Variants in LKAAEAR1 observed in about 807,000 individuals in gnomAD.
LKAAEAR1 encodes LKAAEAR motif containing 1.
In LKAAEAR1, 19 loss-of-function variants were observed where a neutral mutation model predicts 16.5. The observed-to-expected ratio is 1.15, with a 90% CI of 0.80 to 1.69. LKAAEAR1 has a LOEUF of 1.69. LKAAEAR1 is among the 40% of genes most tolerant of loss of function. The pLI, the probability that LKAAEAR1 is intolerant of heterozygous loss-of-function variation, is 0.00. For synonymous variants in LKAAEAR1, 124 were observed against 152.7 expected (o/e 0.81, Z 1.39); for missense variants, 304 against 315.8 (o/e 0.96, Z 0.28).
chr20:64,084,287 C>T lies in LKAAEAR1; in HGVS notation c.-68G>A, dbSNP rs1051228267. The T allele has an allele frequency of 4.6e-6, 6 of 1,307,618 alleles. No homozygotes were observed. Among genetic ancestry groups the T allele is most frequent in the Non-Finnish European group, 5.8e-6 (6 of 1,031,352 alleles). 81.0% of individuals were successfully genotyped at this position (1,307,618 alleles called of 1,614,324 possible). ...GGGCTGGCACCGGGCCCTGCCCGCC[C>T]CTCGGCAGGGCCCCAACGTGCGCCC... On this transcript the variant is annotated 5_prime_UTR_variant, in exon 1 of 3. Coordinates refer to ENST00000302096, the MANE Select transcript of LKAAEAR1 (RefSeq NM_001353425.2).
chr20:64,084,065 G>T lies in LKAAEAR1; in HGVS notation c.155C>A (p.Ala52Glu), dbSNP rs555074600. ...PGWALTPQGL[A>E]AMLPAQRHRH... The stretch of plus-strand genomic sequence containing the variant: ...GTGGCGCTGCGCAGGGAGCATGGCC[G>T]CCAGTCCCTGCGGCGTCAGGGCCCA... Residue 52 changes from alanine (A) to glutamate (E), a missense_variant, in exon 1 of 3, where the codon GCG becomes GAG. Coordinates refer to ENST00000302096, the MANE Select transcript of LKAAEAR1 (RefSeq NM_001353425.2). 38 of 1,497,172 alleles carry T rather than the reference G, an allele frequency of 2.5e-5. No homozygotes were observed. Among genetic ancestry groups the T allele is most frequent in the Non-Finnish European group, 2.8e-5 (32 of 1,133,326 alleles). The allele number at this position is 1,497,172 out of a possible 1,614,324, so 92.7% of individuals were successfully genotyped here.
Position 64,083,998 on chromosome 20 carries a change from C to T in LKAAEAR1, c.222G>A (p.Ala74=), listed in dbSNP as rs1225829426. The change falls in exon 1 of 3, where the codon GCG becomes GCA. Residue 74 remains alanine, a synonymous_variant. Coordinates refer to ENST00000302096, the MANE Select transcript of LKAAEAR1 (RefSeq NM_001353425.2). The surrounding 1 kb of genome is among the most constrained non-coding windows in gnomAD (Gnocchi z 4.9). ...LFGDLLEDVG[A]AASTFPCGSV... Reference sequence around the variant, plus strand: ...ACCCGCACGGGAAGGTGGAGGCCGCCGCGCCCACGTCCTCCAGCAGGTCGC... The same window carrying T: ...ACCCGCACGGGAAGGTGGAGGCCGCTGCGCCCACGTCCTCCAGCAGGTCGC... 2 of 1,490,316 alleles carry T rather than the reference C, an allele frequency of 1.3e-6. No homozygotes were observed. Among genetic ancestry groups the T allele is most frequent in the Admixed American group, 2.2e-5 (1 of 45,636 alleles). 92.3% of individuals were successfully genotyped at this position (1,490,316 alleles called of 1,614,324 possible).
Position 64,083,709 on chromosome 20 carries a change from CG to C in LKAAEAR1, c.403-5del. 1 of 1,378,212 alleles carries C rather than the reference CG, an allele frequency of 7.3e-7. No homozygotes were observed. Among genetic ancestry groups the C allele is most frequent in the Non-Finnish European group, 9.3e-7 (1 of 1,074,994 alleles). 85.4% of individuals were successfully genotyped at this position (1,378,212 alleles called of 1,614,324 possible). A position where few individuals can be genotyped will look rare whatever the true frequency, so the allele number is the denominator to read the frequency against. On this transcript the variant is annotated splice_polypyrimidine_tract_variant and splice_region_variant and intron_variant, in intron 1 of 2. Transcript: ENST00000302096. This position sits in a 1 kb window ranked among gnomAD's most constrained non-coding sequence, Gnocchi z 4.9. The stretch of plus-strand genomic sequence containing the variant: ...TGAGCAGCGCGATCTCCTCGGCCTG[CG>C]GGGCCCGGGTAGCTGAGCGCGCGCC...
chr20:64,083,534 C>T lies in LKAAEAR1; in HGVS notation c.526-40G>A, dbSNP rs756392930. ...GGCTGGGGTCCGGCGTGTGCGGAGG[C>T]GGGCAGGGCCCCTCCCCTTTCCCCG... On this transcript the variant is annotated intron_variant, in intron 2 of 2. Coordinates refer to ENST00000302096, the MANE Select transcript of LKAAEAR1 (RefSeq NM_001353425.2). This position sits in a 1 kb window ranked among gnomAD's most constrained non-coding sequence, Gnocchi z 4.9. 1 of 1,549,174 alleles carries T rather than the reference C, an allele frequency of 6.5e-7. No individual in the cohort carries two copies.
rs750220173 is a variant in LKAAEAR1 at position 64,083,399 on chromosome 20, G to T, written c.*36C>A. The T allele has an allele frequency of 1.9e-6, 3 of 1,611,574 alleles. No individual in the cohort carries two copies. In the South Asian group the frequency reaches 3.3e-5, roughly 18 times the overall value. The stretch of plus-strand genomic sequence containing the variant: ...CCTTCGGAGAATTATAACTTTATGT[G>T]GGAGGCTGGGGCGCGTCGCACACTC... On this transcript the variant is annotated 3_prime_UTR_variant, in exon 3 of 3. Coordinates refer to ENST00000302096, the MANE Select transcript of LKAAEAR1 (RefSeq NM_001353425.2). This position sits in a 1 kb window ranked among gnomAD's most constrained non-coding sequence, Gnocchi z 4.9.
At position 64,083,595 on chromosome 20, in the gene LKAAEAR1, CA is replaced by C; in HGVS notation, c.512del (p.Leu171ArgfsTer28). ...QLKPARIPDP[L>X]DRQERRRVET... ...GGCTTGTCTGCACCTCTTGGCGGTC[CA>C]GGGGGTCCGGGATCCGCGCGGGCTT... is the stretch of plus-strand genomic sequence containing the variant. On this transcript the variant is annotated frameshift_variant, in exon 2 of 3. Coordinates refer to ENST00000302096, the MANE Select transcript of LKAAEAR1 (RefSeq NM_001353425.2). LOFTEE classifies it high-confidence loss of function. This position sits in a 1 kb window ranked among gnomAD's most constrained non-coding sequence, Gnocchi z 4.9. 6.7e-7 allele frequency: 1 copy of C among 1,493,256 alleles called. No homozygotes were observed. Among genetic ancestry groups the C allele is most frequent in the African/African-American group, 1.4e-5 (1 of 70,034 alleles). The allele number at this position is 1,493,256 out of a possible 1,614,324, so 92.5% of individuals were successfully genotyped here. A position where few individuals can be genotyped will look rare whatever the true frequency, so the allele number is the denominator to read the frequency against.
Position 64,084,384 on chromosome 20 carries a change from G to T in LKAAEAR1, c.-165C>A. On this transcript the variant is annotated 5_prime_UTR_variant, in exon 1 of 3. Coordinates refer to ENST00000302096, the MANE Select transcript of LKAAEAR1 (RefSeq NM_001353425.2). ...CCCCCAGCCTCTGAGCTTTGCCCAG[G>T]CGCTCTCCCTCTCCCAAGCGCACGT... 7.8e-7 allele frequency: 1 copy of T among 1,276,410 alleles called. No individual in the cohort carries two copies. Among genetic ancestry groups the T allele is most frequent in the Non-Finnish European group, 9.9e-7 (1 of 1,014,058 alleles). The allele number at this position is 1,276,410 out of a possible 1,614,324, so 79.1% of individuals were successfully genotyped here. A position where few individuals can be genotyped will look rare whatever the true frequency, so the allele number is the denominator to read the frequency against.
chr20:64,083,835 G>A lies in LKAAEAR1; in HGVS notation c.385C>T (p.Arg129Cys). The change falls in exon 1 of 3, where the codon CGC (arginine) becomes TGC (cysteine). Residue 129 changes from arginine to cysteine, a missense_variant. Transcript: ENST00000302096. This position sits in a 1 kb window ranked among gnomAD's most constrained non-coding sequence, Gnocchi z 4.9. Reference sequence around the variant, plus strand: ...CGCCTCACCCGCATGCGGGTGTAGCGCAGCCGCAGGGCGCGGACTCGCCCG... The same window carrying A: ...CGCCTCACCCGCATGCGGGTGTAGCACAGCCGCAGGGCGCGGACTCGCCCG... ...ARGRVRALRL[R>C]YTRMRAEEIA... 5 of 1,389,650 alleles carry A rather than the reference G, an allele frequency of 3.6e-6. No individual in the cohort carries two copies. The highest frequency in any genetic ancestry group is 1.6e-5 in the South Asian group (1 of 63,464). The allele number at this position is 1,389,650 out of a possible 1,614,324, so 86.1% of individuals were successfully genotyped here.
chr20:64,084,148 C>G lies in LKAAEAR1; in HGVS notation c.72G>C (p.Thr24=), dbSNP rs1157900781. ...CCTTGGCACGCTCCTCACCCTGCGC[C>G]GTGCCTGGCGCGCTCTTCCCGCTTC... ...RERSGKSAPG[T]AQGEERAKGA... Residue 24 remains threonine, a synonymous_variant, in exon 1 of 3, where the codon ACG becomes ACC. Coordinates refer to ENST00000302096, the MANE Select transcript of LKAAEAR1 (RefSeq NM_001353425.2). The G allele has an allele frequency of 6.9e-7, 1 of 1,456,424 alleles. No homozygotes were observed. The highest frequency in any genetic ancestry group is 9.0e-7 in the Non-Finnish European group (1 of 1,112,316). The allele number at this position is 1,456,424 out of a possible 1,614,324, so 90.2% of individuals were successfully genotyped here. A position where few individuals can be genotyped will look rare whatever the true frequency, so the allele number is the denominator to read the frequency against.
rs1027618895 is a variant in LKAAEAR1, at chr20:64,084,064, C to T, written c.156G>A (p.Ala52=). 13 of 1,498,680 alleles carry T rather than the reference C, an allele frequency of 8.7e-6. No individual in the cohort carries two copies. In the South Asian group the frequency reaches 1.5e-4, roughly 17 times the overall value. The allele number at this position is 1,498,680 out of a possible 1,614,324, so 92.8% of individuals were successfully genotyped here. ...GGTGGCGCTGCGCAGGGAGCATGGC[C>T]GCCAGTCCCTGCGGCGTCAGGGCCC... is the stretch of plus-strand genomic sequence containing the variant. ...PGWALTPQGL[A]AMLPAQRHRH... is the part of the protein sequence containing the mutation. Residue 52 remains alanine, a synonymous_variant, in exon 1 of 3, where the codon GCG becomes GCA. Transcript: ENST00000302096.
upstream of LKAAEAR1, among the ~76,000 whole-genome samples, chr20:64,084,863 C>T (rs2060025639): frequency 6.6e-6 from 1 of 152,210 alleles, no homozygotes. Flanking sequence ...CCCCGCCCCT[C>T]CTTAGCTCCT....
In LKAAEAR1 at chr20:64,084,233, G is replaced by A; in HGVS notation, c.-14C>T. 2 of 1,369,328 alleles carry A rather than the reference G, an allele frequency of 1.5e-6. No homozygotes were observed. The highest frequency in any genetic ancestry group is 1.9e-6 in the Non-Finnish European group (2 of 1,068,406). The allele number at this position is 1,369,328 out of a possible 1,614,324, so 84.8% of individuals were successfully genotyped here. ...TGGCGGCGGCATCCTCCCGCCCTGC[G>A]GAGGGAGGAGGGCGTCCCGTCGGTG... On this transcript the variant is annotated 5_prime_UTR_variant, in exon 1 of 3. Transcript: ENST00000302096.
In LKAAEAR1 at chr20:64,083,548, C is replaced by T. The variant is rs865965277; in HGVS notation, c.525+35G>A. On this transcript the variant is annotated intron_variant, in intron 2 of 2. Transcript: ENST00000302096. The surrounding 1 kb of genome is among the most constrained non-coding windows in gnomAD (Gnocchi z 4.9). ...GTGTGCGGAGGCGGGCAGGGCCCCT[C>T]CCCTTTCCCCGCCCCTACCGGGGCT... The T allele has an allele frequency of 6.5e-6, 10 of 1,536,946 alleles. No homozygotes were observed. In the East Asian group the frequency reaches 2.2e-4, roughly 34 times the overall value.
chr20:64,083,387 A>G lies in LKAAEAR1; in HGVS notation c.*48T>C, dbSNP rs753785811. 1.9e-6 allele frequency: 3 copies of G among 1,610,720 alleles called. No individual in the cohort carries two copies. In the African/African-American group the frequency reaches 4.0e-5, roughly 22 times the overall value. On this transcript the variant is annotated 3_prime_UTR_variant, in exon 3 of 3. Coordinates refer to ENST00000302096, the MANE Select transcript of LKAAEAR1 (RefSeq NM_001353425.2). This position sits in a 1 kb window ranked among gnomAD's most constrained non-coding sequence, Gnocchi z 4.9. ...AAGACCAGCGAGCCTTCGGAGAATT[A>G]TAACTTTATGTGGGAGGCTGGGGCG... is the stretch of plus-strand genomic sequence containing the variant.
rs1265572157 is a variant in LKAAEAR1, at chr20:64,084,098, T to C, written c.122A>G (p.Lys41Arg). 4.7e-6 allele frequency: 7 copies of C among 1,480,096 alleles called. No individual in the cohort carries two copies. In the South Asian group the frequency reaches 5.1e-5, roughly 11 times the overall value. The allele number at this position is 1,480,096 out of a possible 1,614,324, so 91.7% of individuals were successfully genotyped here. Reference protein sequence around the residue: ...AKGAPATEPPKPGWALTPQGL... With the variant: ...AKGAPATEPPRPGWALTPQGL... ...CTGCGGCGTCAGGGCCCAGCCCGGC[T>C]TGGGGGGCTCTGTCGCGGGCGCCCC... is the stretch of plus-strand genomic sequence containing the variant. Residue 41 changes from lysine (K) to arginine (R), a missense_variant, in exon 1 of 3, where the codon AAG becomes AGG. Physicochemically the swap from Lys to Arg is conservative, Grantham distance 26. Transcript: ENST00000302096.
chr20:64,084,333 C>T lies in LKAAEAR1; in HGVS notation c.-114G>A, dbSNP rs2060018096. The T allele has an allele frequency of 1.6e-6, 2 of 1,289,344 alleles. No homozygotes were observed. The highest frequency in any genetic ancestry group is 2.4e-5 in the South Asian group (1 of 41,830). 79.9% of individuals were successfully genotyped at this position (1,289,344 alleles called of 1,614,324 possible). On this transcript the variant is annotated 5_prime_UTR_variant, in exon 1 of 3. Transcript: ENST00000302096. Reference sequence around the variant, plus strand: ...CGCCCCAGCTCCCGCCCGCTGGGCTCTCCGCAGTCGGTTTTGAGTTCCGCA... The same window carrying T: ...CGCCCCAGCTCCCGCCCGCTGGGCTTTCCGCAGTCGGTTTTGAGTTCCGCA...
chr20:64,083,771 C>T lies in LKAAEAR1; in HGVS notation c.402+47G>A, dbSNP rs2060001473. 1.5e-6 allele frequency: 2 copies of T among 1,333,684 alleles called. No homozygotes were observed. The highest frequency in any genetic ancestry group is 1.9e-6 in the Non-Finnish European group (2 of 1,047,918). The allele number at this position is 1,333,684 out of a possible 1,614,324, so 82.6% of individuals were successfully genotyped here. A position where few individuals can be genotyped will look rare whatever the true frequency, so the allele number is the denominator to read the frequency against. On this transcript the variant is annotated intron_variant, in intron 1 of 2. Transcript: ENST00000302096. This position sits in a 1 kb window ranked among gnomAD's most constrained non-coding sequence, Gnocchi z 4.9. ...CCGCCCCGCCCCGGCCGGCTCCGCT[C>T]AACGCTCCCGGTGCGCCCCCTCTGC... is the stretch of plus-strand genomic sequence containing the variant.
Position 64,084,049 on chromosome 20 carries a change from C to A in LKAAEAR1, c.171G>T (p.Ala57=). The part of the protein sequence containing the change: ...TPQGLAAMLP[A]QRHRHLLFGD... ...CGAAGAGCAGATGGCGGTGGCGCTGCGCAGGGAGCATGGCCGCCAGTCCCT... is the reference window on the plus strand; with the variant it reads ...CGAAGAGCAGATGGCGGTGGCGCTGAGCAGGGAGCATGGCCGCCAGTCCCT... Residue 57 remains alanine (A), a synonymous_variant, in exon 1 of 3, where the codon GCG becomes GCT. Transcript: ENST00000302096. 1 of 1,501,230 alleles carries A rather than the reference C, an allele frequency of 6.7e-7. No homozygotes were observed. Among genetic ancestry groups the A allele is most frequent in the Non-Finnish European group, 8.8e-7 (1 of 1,135,582 alleles). 93.0% of individuals were successfully genotyped at this position (1,501,230 alleles called of 1,614,324 possible). A position where few individuals can be genotyped will look rare whatever the true frequency, so the allele number is the denominator to read the frequency against.
upstream of LKAAEAR1, chr20:64,084,451 A>G (rs1321483012): frequency 9.0e-7 from 1 of 1,111,272 alleles, no homozygotes; most frequent in Non-Finnish European, 1.1e-6. Flanking sequence ...TCAGTCCTGC[A>G]GTCAACTAGG....
Sources: allele counts gnomAD v4.1 joint callset (sites outside exome capture counted in the v4.1 genomes callset), GRCh38; gene constraint gnomAD v4.1.1; non-coding constraint Gnocchi (gnomAD v3.1); transcripts MANE v1.5; gene names NCBI Gene and HGNC (gene_info 2026-07-23, HGNC 2026-07-21).